Variants in FAM241A observed in about 807,000 individuals in gnomAD.
FAM241A encodes the protein uncharacterized protein FAM241A.
FAM241A carries 7 observed loss-of-function variants against 12.2 expected under a neutral mutation model. That is an observed-to-expected ratio of 0.58 (90% CI 0.33 to 1.08). The LOEUF (loss-of-function observed/expected upper bound fraction) is 1.08, where lower values mean the gene tolerates loss of function less well. FAM241A is among the 50% of genes least tolerant of loss of function. FAM241A has a pLI of 0.04. For missense variants in FAM241A, 161 were observed against 169.7 expected (o/e 0.95, Z 0.29); for synonymous variants, 74 against 68.2 (o/e 1.08, Z -0.42).
Position 112,187,116 on chromosome 4 carries a change from G to A in FAM241A, c.*178G>A. 1 of 643,590 alleles carries A rather than the reference G, an allele frequency of 1.6e-6. No homozygotes were observed. The highest frequency in any genetic ancestry group is 2.6e-6 in the Non-Finnish European group (1 of 378,064). The allele number at this position is 643,590 out of a possible 1,614,324, so 39.9% of individuals were successfully genotyped here. A position where few individuals can be genotyped will look rare whatever the true frequency, so the allele number is the denominator to read the frequency against. On this transcript the variant is annotated 3_prime_UTR_variant, in exon 2 of 2. Transcript: ENST00000309733. ...AAACTAAACTCTTGATCATAACAGG[G>A]TTGAATATATATTTTGAATATACAT...
intron 1 of FAM241A, among the ~76,000 whole-genome samples, chr4:112,168,083 A>G (rs1723635732): frequency 6.6e-6 from 1 of 152,244 alleles, no homozygotes; most frequent in Non-Finnish European, 1.5e-5. Flanking sequence ...TGTAAGCACA[A>G]ACTTTATTAC....
intron 1 of FAM241A, among the ~76,000 whole-genome samples, chr4:112,160,404 C>CAAA (rs34894300): frequency 1.2e-4 from 14 of 121,668 alleles, no homozygotes; most frequent in South Asian, 1.1e-3. Flanking sequence ...AACTCCATCT[C>CAAA]AAAAAAAAAA....
intron 1 of FAM241A, among the ~76,000 whole-genome samples, chr4:112,166,190 A>G (rs1196787662): frequency 6.6e-6 from 1 of 151,292 alleles, no homozygotes; most frequent in Non-Finnish European, 1.5e-5. Flanking sequence ...CTGGGACTAC[A>G]GGTGCCCCCC....
At chr4:112,182,357 A>G (rs1723956663) in intron 1 of FAM241A, among the ~76,000 whole-genome samples, 1 of 152,348 alleles carries the variant, frequency 6.6e-6, no homozygotes, top group Admixed American at 6.5e-5. Context: ...TGTTACTTGT[A>G]GTAGTTTTGT....
intron 1 of FAM241A, among the ~76,000 whole-genome samples, chr4:112,151,487 G>T (rs978762777): frequency 6.6e-6 from 1 of 152,112 alleles, no homozygotes; most frequent in Non-Finnish European, 1.5e-5. Context: ...CTCAACTTCA[G>T]TGTGCATAGG....
chr4:112,148,669 T>G (rs1723186797), intron 1 of FAM241A, among the ~76,000 whole-genome samples: 1 of 152,180 alleles, frequency 6.6e-6, no homozygotes, highest in Non-Finnish European at 1.5e-5. Context: ...TCAGGGAATG[T>G]CCAAGAAACT....
chr4:112,147,540 G>GT (rs1479790903), intron 1 of FAM241A, among the ~76,000 whole-genome samples: 3 of 152,032 alleles, frequency 2.0e-5, no homozygotes, highest in Non-Finnish European at 2.9e-5. Context: ...TTGTTTTCTA[G>GT]TTTTTTTCAA....
intron 1 of FAM241A, among the ~76,000 whole-genome samples, chr4:112,167,797 T>G (rs915428947): frequency 5.3e-5 from 8 of 152,194 alleles, no homozygotes; most frequent in Non-Finnish European, 8.8e-5. Flanking sequence ...TATTATTTGT[T>G]GAATTGAACT....
intron 1 of FAM241A, chr4:112,171,315 T>C (rs1723714878): frequency 2.7e-6 from 2 of 754,646 alleles, no homozygotes; most frequent in Non-Finnish European, 4.8e-6. Context: ...GGATTCTCTG[T>C]ATGCCCAGGG....
At chr4:112,176,005 A>G (rs1723813316) in intron 1 of FAM241A, among the ~76,000 whole-genome samples, 1 of 152,240 alleles carries the variant, frequency 6.6e-6, no homozygotes, top group Non-Finnish European at 1.5e-5. Flanking sequence ...GAAGACAGTT[A>G]TAAGTGAATC....
intron 1 of FAM241A, among the ~76,000 whole-genome samples, chr4:112,148,459 C>CA (rs1180409995): frequency 6.6e-6 from 1 of 152,034 alleles, no homozygotes; most frequent in East Asian, 1.9e-4. Flanking sequence ...TCCATTTGAG[C>CA]AAAAAATGAA....
chr4:112,163,434 A>G (rs1723521453), intron 1 of FAM241A, among the ~76,000 whole-genome samples: 2 of 152,238 alleles, frequency 1.3e-5, no homozygotes, highest in African/African-American at 2.4e-5. Flanking sequence ...AATATACAGA[A>G]TCTACAAAGA....
chr4:112,160,038 CCAT>C (rs112476547), intron 1 of FAM241A, among the ~76,000 whole-genome samples: 13 of 152,210 alleles, frequency 8.5e-5, no homozygotes, highest in African/African-American at 3.1e-4. Context: ...TCTAAGGACT[CCAT>C]CAAAAAACTA....
At chr4:112,177,092 A>C (rs1723837583) in intron 1 of FAM241A, among the ~76,000 whole-genome samples, 1 of 152,112 alleles carries the variant, frequency 6.6e-6, no homozygotes, top group Admixed American at 6.6e-5. Flanking sequence ...TGAATTCATT[A>C]CTACTTTTAA....
intron 1 of FAM241A, among the ~76,000 whole-genome samples, chr4:112,185,654 A>T (rs2110436016): frequency 6.6e-6 from 1 of 152,290 alleles, no homozygotes; most frequent in Non-Finnish European, 1.5e-5. Flanking sequence ...CTTGCCTGGT[A>T]CTGATTTCTC....
intron 1 of FAM241A, among the ~76,000 whole-genome samples, chr4:112,176,639 T>A (rs1467212979): frequency 6.6e-6 from 1 of 152,240 alleles, no homozygotes; most frequent in Non-Finnish European, 1.5e-5. Context: ...TACTTAAGGG[T>A]TTACCTTTAA....
rs376807306 is a variant in FAM241A at position 112,185,178 on chromosome 4, TTAAA to T, written c.154-1509_154-1506del. ...ATCATGCCTCCTAAATAAAATATAT[TTAAA>T]TAAATTATAATTATCTCACCTACAT... is the stretch of plus-strand genomic sequence containing the variant. On this transcript the variant is annotated intron_variant, in intron 1 of 1. Coordinates refer to ENST00000309733, the MANE Select transcript of FAM241A (RefSeq NM_152400.3). 3.7e-4 allele frequency among the ~76,000 whole-genome samples: 57 copies of T among 152,168 alleles called. 1 individual carries two copies. The East Asian group carries it at 9.6e-3, about 26-fold the overall frequency.
chr4:112,158,394 C>T lies in FAM241A; in HGVS notation c.153+12661C>T, dbSNP rs1723394891. On this transcript the variant is annotated intron_variant, in intron 1 of 1. Coordinates refer to ENST00000309733, the MANE Select transcript of FAM241A (RefSeq NM_152400.3). ...TTATATAAATGTTTCTGTATTCTTTCTTTTTCTGGCTAGCATATACTTTCT... is the reference window on the plus strand; with the variant it reads ...TTATATAAATGTTTCTGTATTCTTTTTTTTTCTGGCTAGCATATACTTTCT... Among the ~76,000 whole-genome samples, 4 of 152,032 alleles carry T rather than the reference C, an allele frequency of 2.6e-5. No individual in the cohort carries two copies. The South Asian group carries it at 8.3e-4, about 31-fold the overall frequency.
chr4:112,161,701 C>T (rs1371152350), intron 1 of FAM241A, among the ~76,000 whole-genome samples: 5 of 152,122 alleles, frequency 3.3e-5, no homozygotes, highest in Non-Finnish European at 5.9e-5. Context: ...TAGGACCAGA[C>T]GGATTCACAG....
Sources: gnomAD v4.1 joint callset for allele counts (sites outside exome capture counted in the v4.1 genomes callset) on GRCh38, gnomAD v4.1.1 for gene constraint, MANE v1.5 for transcripts, NCBI Gene and HGNC (gene_info 2026-07-23, HGNC 2026-07-21) for gene names.